The following PARD3 variants were observed in gnomAD, a reference collection of about 807,000 sequenced individuals.
PARD3 encodes par-3 family cell polarity regulator.
A neutral mutation model predicts 155.4 loss-of-function variants in PARD3; 75 were observed. The observed-to-expected ratio is 0.48, with a 90% CI of 0.40 to 0.58. The LOEUF (loss-of-function observed/expected upper bound fraction) is 0.58, where lower values mean the gene tolerates loss of function less well. Ranked by LOEUF, PARD3 falls within the 20% of genes least tolerant of loss-of-function variation. The pLI is 0.00. For missense variants in PARD3, 1,642 were observed against 1,721.7 expected (o/e 0.95, Z 0.82); for synonymous variants, 576 against 610.5 (o/e 0.94, Z 0.83).
rs1564528074 is a variant in PARD3 at position 34,261,761 on chromosome 10, GAAGGAAGGAAGAAAGA to G, written c.3419+7880_3419+7895del. ...GAAAGGAAGAAAGGAAGGAAGAAAG[GAAGGAAGGAAGAAAGA>G]AAGAAAAGAAAGAAAGAAAGAAAGA... On this transcript the variant is annotated intron_variant, in intron 22 of 24. Transcript: ENST00000374788. Among the ~76,000 whole-genome samples, 25 of 40,370 alleles carry G rather than the reference GAAGGAAGGAAGAAAGA, an allele frequency of 6.2e-4. 1 individual carries two copies. Among genetic ancestry groups the G allele is most frequent in the Non-Finnish European group, 1.2e-3 (17 of 14,320 alleles). The allele number at this position is 40,370 out of a possible 152,430, so 26.5% of individuals were successfully genotyped here. A position where few individuals can be genotyped will look rare whatever the true frequency, so the allele number is the denominator to read the frequency against.
In PARD3 at chr10:34,209,600, C is replaced by T. The variant is rs114660127; in HGVS notation, c.3419+60057G>A. 1.7e-3 allele frequency among the ~76,000 whole-genome samples: 257 copies of T among 152,246 alleles called. 3 individuals are homozygous for T. Among genetic ancestry groups the T allele is most frequent in the African/African-American group, 6.0e-3 (248 of 41,534 alleles). The stretch of plus-strand genomic sequence containing the variant: ...GTTTTCCTAACCAAGAGCAAAGAAA[C>T]GGGTCAGAGAGACATAGGTTCAAAT... On this transcript the variant is annotated intron_variant, in intron 22 of 24. Coordinates refer to ENST00000374788, the MANE Select transcript of PARD3 (RefSeq NM_001184785.2).
intron 5 of PARD3, among the ~76,000 whole-genome samples, chr10:34,423,673 A>T (rs1382124580): frequency 6.6e-6 from 1 of 152,192 alleles, no homozygotes; most frequent in Non-Finnish European, 1.5e-5. Flanking sequence ...CAGCACACTG[A>T]TTCACATATA....
intron 22 of PARD3, among the ~76,000 whole-genome samples, chr10:34,141,130 T>C (rs1341698349): frequency 1.3e-5 from 2 of 152,236 alleles, no homozygotes; most frequent in Admixed American, 1.3e-4. Flanking sequence ...TCTGTGGTTA[T>C]GTACAAATCA....
intron 2 of PARD3, among the ~76,000 whole-genome samples, chr10:34,555,203 C>A (rs959447779): frequency 3.3e-5 from 5 of 152,146 alleles, no homozygotes; most frequent in Non-Finnish European, 5.9e-5. Context: ...GGAGGCTATG[C>A]AAGTTTGTGG....
At chr10:34,687,606 T>C (rs2093972569) in intron 2 of PARD3, among the ~76,000 whole-genome samples, 1 of 152,130 alleles carries the variant, frequency 6.6e-6, no homozygotes, top group African/African-American at 2.4e-5. Flanking sequence ...GCAAGGCATC[T>C]CACAGGGTCA....
chr10:34,759,206 C>CA, intron 1 of PARD3, among the ~76,000 whole-genome samples: 1 of 150,918 alleles, frequency 6.6e-6, no homozygotes, highest in South Asian at 2.1e-4. Flanking sequence ...TAATAGGAAC[C>CA]AAAGAAATAT....
chr10:34,446,712 C>T (rs1463037048), intron 5 of PARD3, among the ~76,000 whole-genome samples: 7 of 152,140 alleles, frequency 4.6e-5, no homozygotes, highest in Non-Finnish European at 5.9e-5. Context: ...TTCCATCACA[C>T]AATGTTTGTA....
chr10:34,287,349 G>C (rs990149072), intron 20 of PARD3, among the ~76,000 whole-genome samples: 2 of 151,936 alleles, frequency 1.3e-5, no homozygotes, highest in Non-Finnish European at 2.9e-5. Flanking sequence ...TTGCCATGTT[G>C]ACTTACTGAT....
intron 8 of PARD3, among the ~76,000 whole-genome samples, chr10:34,383,553 C>A (rs1842063486): frequency 6.6e-6 from 1 of 152,190 alleles, no homozygotes; most frequent in Admixed American, 6.5e-5. Flanking sequence ...GCCTGGGAAG[C>A]AGCTCTTTCT....
intron 1 of PARD3, among the ~76,000 whole-genome samples, chr10:34,755,188 G>T (rs371738854): frequency 6.6e-6 from 1 of 151,612 alleles, no homozygotes; most frequent in Non-Finnish European, 1.5e-5. Flanking sequence ...GATCACTTGA[G>T]GTCAGGAGCT....
chr10:34,684,713 C>A (rs1267887000), intron 2 of PARD3, among the ~76,000 whole-genome samples: 1 of 150,280 alleles, frequency 6.7e-6, no homozygotes, highest in Non-Finnish European at 1.5e-5. Flanking sequence ...CAAATGTAAA[C>A]CTGATCACTT....
chr10:34,417,070 G>T (rs1845744508), intron 5 of PARD3, among the ~76,000 whole-genome samples: 1 of 152,104 alleles, frequency 6.6e-6, no homozygotes, highest in Non-Finnish European at 1.5e-5. Context: ...ACACCCCTAT[G>T]ATTTCATCCC....
intron 22 of PARD3, among the ~76,000 whole-genome samples, chr10:34,204,136 T>A (rs1313544188): frequency 6.6e-6 from 1 of 152,202 alleles, no homozygotes; most frequent in Non-Finnish European, 1.5e-5. Context: ...TTACTGATAG[T>A]GTTGACAGTA....
At chr10:34,501,963 T>C (rs1232399072) in intron 3 of PARD3, among the ~76,000 whole-genome samples, 1 of 152,166 alleles carries the variant, frequency 6.6e-6, no homozygotes, top group Non-Finnish European at 1.5e-5. Context: ...ATTAGTGCCC[T>C]TATTAAAATG....
At chr10:34,630,154 C>T (rs187986790) in intron 2 of PARD3, among the ~76,000 whole-genome samples, 2 of 152,298 alleles carry the variant, frequency 1.3e-5, no homozygotes, top group South Asian at 2.1e-4. Context: ...AGTTTAGAAA[C>T]GTAAAGCATT....
At chr10:34,485,321 G>C (rs2079379721) in intron 3 of PARD3, among the ~76,000 whole-genome samples, 1 of 147,710 alleles carries the variant, frequency 6.8e-6, no homozygotes, top group African/African-American at 2.6e-5. Context: ...CTGGGAGACA[G>C]AGCAAGACTC....
chr10:34,452,837 T>C (rs1449076593), intron 4 of PARD3, among the ~76,000 whole-genome samples: 5 of 152,164 alleles, frequency 3.3e-5, no homozygotes, highest in Non-Finnish European at 2.9e-5. Context: ...CAGGCACCAT[T>C]CCCTAAAACA....
At chr10:34,382,472 C>A in intron 9 of PARD3, 68 bp downstream of exon 9, 1 of 1,504,294 alleles carries the variant, frequency 6.6e-7, no homozygotes, top group Non-Finnish European at 9.0e-7. Flanking sequence ...AAATAAATTC[C>A]ATTTCTACCC....
chr10:34,391,886 T>C (rs1842898845), intron 7 of PARD3, among the ~76,000 whole-genome samples: 1 of 152,230 alleles, frequency 6.6e-6, no homozygotes, highest in Admixed American at 6.5e-5. Flanking sequence ...CCAGAAGTGA[T>C]GGCTCACACC....
Sources: gnomAD v4.1 joint callset for allele counts (sites outside exome capture counted in the v4.1 genomes callset) on GRCh38, gnomAD v4.1.1 for gene constraint, MANE v1.5 for transcripts, NCBI Gene and HGNC (gene_info 2026-07-23, HGNC 2026-07-21) for gene names.